The following C2orf80 variants were observed in gnomAD, a reference collection of about 807,000 sequenced individuals.
C2orf80 encodes the protein uncharacterized protein C2orf80.
Under a neutral mutation model 30.2 loss-of-function variants are expected in C2orf80, and 28 were observed. The ratio of observed to expected loss-of-function variants is 0.93; its 90% CI spans 0.69 to 1.27. The LOEUF is 1.27. Among genes scored for constraint, C2orf80 ranks in the 50% most tolerant of loss-of-function variants. C2orf80 has a pLI of 0.00. For synonymous variants in C2orf80, 80 were observed against 76.4 expected (o/e 1.05, Z -0.24); for missense variants, 220 against 231.0 (o/e 0.95, Z 0.31).
At chr2:208,175,959 T>C (rs1206620412) in intron 6 of C2orf80, among the ~76,000 whole-genome samples, 1 of 152,122 alleles carries the variant, frequency 6.6e-6, no homozygotes, top group Non-Finnish European at 1.5e-5. Flanking sequence ...GCGGGGAGCT[T>C]GTGAGGCTCA....
In C2orf80 at chr2:208,166,881, A is replaced by C. The variant is rs903911129; in HGVS notation, c.574-1066T>G. 3.3e-5 allele frequency among the ~76,000 whole-genome samples: 5 copies of C among 151,952 alleles called. No homozygotes were observed. In the East Asian group the frequency reaches 9.7e-4, roughly 30 times the overall value. ...TAGCCAGGATGGTCTTGATCTCCTG[A>C]CCTCGTGATCCGCCCGCCTCGGCTT... On this transcript the variant is annotated intron_variant, in intron 8 of 8. Transcript: ENST00000341287.
intron 6 of C2orf80, among the ~76,000 whole-genome samples, chr2:208,176,929 ATGTATACATATC>A (rs201388290): frequency 0.013 from 841 of 66,180 alleles, 144 homozygotes; most frequent in African/African-American, 0.04. Flanking sequence ...CTGTATACAT[ATGTATACATATC>A]TGTATACATA....
chr2:208,178,381 TTG>T (rs754824498), intron 6 of C2orf80, among the ~76,000 whole-genome samples: 8 of 151,970 alleles, frequency 5.3e-5, no homozygotes, highest in Admixed American at 3.9e-4. Flanking sequence ...GGGCTCAGGC[TTG>T]TGTGTATATG....
intron 3 of C2orf80, among the ~76,000 whole-genome samples, chr2:208,184,681 A>G (rs998315013): frequency 6.6e-6 from 1 of 152,174 alleles, no homozygotes; most frequent in African/African-American, 2.4e-5. Context: ...CAGACGTAAC[A>G]TTTTGCCTGG....
intron 2 of C2orf80, among the ~76,000 whole-genome samples, chr2:208,186,352 A>T (rs891169022): frequency 8.5e-5 from 13 of 152,356 alleles, no homozygotes; most frequent in African/African-American, 3.1e-4. Flanking sequence ...ATGACATAGA[A>T]CATAATCTTT....
intron 6 of C2orf80, among the ~76,000 whole-genome samples, chr2:208,177,789 C>T (rs565434129): frequency 1.3e-5 from 2 of 151,510 alleles, no homozygotes; most frequent in East Asian, 3.9e-4. Context: ...CCTGTCTTCC[C>T]CTTCTAGCAC....
In C2orf80 at chr2:208,183,090, A is replaced by T. The variant is rs565300290; in HGVS notation, c.124-43T>A. The T allele has an allele frequency of 4.5e-6, 7 of 1,545,096 alleles. No individual in the cohort carries two copies. The South Asian group carries it at 5.6e-5, about 12-fold the overall frequency. ...AGAGAGCAAAGAAACAGGCTTAGAC[A>T]TTGGCCGAAGTACTCCCTGGACCCA... On this transcript the variant is annotated intron_variant, in intron 3 of 8. Transcript: ENST00000341287.
intron 1 of C2orf80, among the ~76,000 whole-genome samples, chr2:208,187,725 A>G (rs1696759387): frequency 6.6e-6 from 1 of 151,466 alleles, no homozygotes; most frequent in African/African-American, 2.4e-5. Context: ...TTTTAAATTT[A>G]TTTTATGGTT....
chr2:208,176,525 G>A (rs1696301398), intron 6 of C2orf80, among the ~76,000 whole-genome samples: 1 of 152,170 alleles, frequency 6.6e-6, no homozygotes, highest in Admixed American at 6.5e-5. Context: ...AATGGGCAGA[G>A]GCCAAGGATG....
intron 8 of C2orf80, among the ~76,000 whole-genome samples, chr2:208,170,596 A>G (rs1696064646): frequency 6.6e-6 from 1 of 152,184 alleles, no homozygotes; most frequent in Non-Finnish European, 1.5e-5. Flanking sequence ...CAGCCAATTA[A>G]CTTGTGGATA....
At chr2:208,169,491 G>C (rs1052190832) in intron 8 of C2orf80, among the ~76,000 whole-genome samples, 13 of 151,992 alleles carry the variant, frequency 8.6e-5, no homozygotes, top group African/African-American at 2.2e-4. Flanking sequence ...CAGCACTTTG[G>C]GGGGCTGAGG....
chr2:208,181,314 G>T lies in C2orf80; in HGVS notation c.207-9C>A, dbSNP rs777628337. 12 of 1,545,960 alleles carry T rather than the reference G, an allele frequency of 7.8e-6. No homozygotes were observed. In the South Asian group the frequency reaches 1.1e-4, roughly 14 times the overall value. On this transcript the variant is annotated splice_polypyrimidine_tract_variant and intron_variant, in intron 4 of 8. Transcript: ENST00000341287. Reference sequence around the variant, plus strand: ...CATGGAGTGGTATTTTCCTAATGGGGAATAGGAAATACAAGTGGAAGATTT... The same window carrying T: ...CATGGAGTGGTATTTTCCTAATGGGTAATAGGAAATACAAGTGGAAGATTT...
At chr2:208,186,862 A>G (rs7572263) in intron 2 of C2orf80, 84 bp downstream of exon 2, 277,839 of 1,187,516 alleles carry the variant, frequency 0.23, 34,735 homozygotes, top group African/African-American at 0.37. Flanking sequence ...ATTTTTACCC[A>G]CTGCCAATAC....
chr2:208,180,796 T>C lies in C2orf80; in HGVS notation c.315A>G (p.Glu105=), dbSNP rs1220694146. ...GILMNSIPIE[E]VFKIYGADSS... is the part of the protein sequence containing the mutation. ...AATCAGCCCCATAAATTTTAAAGACTTCCTCAATCGGGATACTGTTCTGTT... is the reference window on the plus strand; with the variant it reads ...AATCAGCCCCATAAATTTTAAAGACCTCCTCAATCGGGATACTGTTCTGTT... Residue 105 remains glutamate, a synonymous_variant, in exon 6 of 9, where the codon GAA becomes GAG. Coordinates refer to ENST00000341287, the MANE Select transcript of C2orf80 (RefSeq NM_001099334.3). The C allele has an allele frequency of 1.2e-6, 2 of 1,613,604 alleles. No individual in the cohort carries two copies. Among genetic ancestry groups the C allele is most frequent in the South Asian group, 1.1e-5 (1 of 91,050 alleles).
intron 6 of C2orf80, among the ~76,000 whole-genome samples, chr2:208,180,024 G>T (rs1036433566): frequency 1.3e-5 from 2 of 152,106 alleles, no homozygotes; most frequent in East Asian, 3.8e-4. Flanking sequence ...CAGTAAACTA[G>T]GGAATTTGTC....
chr2:208,183,404 C>G (rs772369314), intron 3 of C2orf80, among the ~76,000 whole-genome samples: 2 of 152,040 alleles, frequency 1.3e-5, no homozygotes, highest in Non-Finnish European at 2.9e-5. Flanking sequence ...CAACAACTCA[C>G]GGAATATTCT....
chr2:208,169,151 T>C (rs916874598), intron 8 of C2orf80, among the ~76,000 whole-genome samples: 1 of 152,000 alleles, frequency 6.6e-6, no homozygotes, highest in Non-Finnish European at 1.5e-5. Context: ...CAATGAGTAA[T>C]CTTTAGAGGT....
At chr2:208,176,971 A>ATCTG (rs1696357205) in intron 6 of C2orf80, among the ~76,000 whole-genome samples, 1 of 106,012 alleles carries the variant, frequency 9.4e-6, no homozygotes, top group African/African-American at 3.4e-5. Flanking sequence ...ATATGTATAC[A>ATCTG]TATATACAGA....
In C2orf80 at chr2:208,180,093, G is replaced by A. The variant is rs546483612; in HGVS notation, c.366+652C>T. Reference sequence around the variant, plus strand: ...CTAGAAGATATAGTACATCATAGAAGGGAACTGTGTGGACCTACCAGATCT... The same window carrying A: ...CTAGAAGATATAGTACATCATAGAAAGGAACTGTGTGGACCTACCAGATCT... On this transcript the variant is annotated intron_variant, in intron 6 of 8. Transcript: ENST00000341287. Among the ~76,000 whole-genome samples, 12 of 151,766 alleles carry A rather than the reference G, an allele frequency of 7.9e-5. No homozygotes were observed. The East Asian group carries it at 2.1e-3, about 27-fold the overall frequency.
Sources: allele counts gnomAD v4.1 joint callset (sites outside exome capture counted in the v4.1 genomes callset), GRCh38; gene constraint gnomAD v4.1.1; transcripts MANE v1.5; gene names NCBI Gene and HGNC (gene_info 2026-07-23, HGNC 2026-07-21).